The following MDC1 variants were observed in gnomAD, a reference collection of about 807,000 sequenced individuals.
MDC1 encodes mediator of DNA damage checkpoint protein 1.
In MDC1, 81 loss-of-function variants were observed where a neutral mutation model predicts 142.5. The ratio of observed to expected loss-of-function variants is 0.57; its 90% CI spans 0.47 to 0.68. MDC1 has a LOEUF of 0.68. Among genes scored for constraint, MDC1 ranks in the 30% least tolerant of loss-of-function variants. The probability of loss-of-function intolerance (pLI) is 0.00; values close to 1 mark genes in which losing one functional copy is unlikely to be tolerated. For synonymous variants in MDC1, 797 were observed against 968.4 expected, an observed-to-expected ratio of 0.82 and a Z score of 3.29; for missense variants, 2,119 against 2,547.9, an observed-to-expected ratio of 0.83 and a Z score of 3.62.
chr6:30,708,249 G>A lies in MDC1; in HGVS notation c.2330C>T (p.Pro777Leu). Reference sequence around the variant, plus strand: ...TATTGCCCTAGGTGGAGACAGGCAAGGTCCATAGGCCTCAAGGTGCGTGTC... The same window carrying A: ...TATTGCCCTAGGTGGAGACAGGCAAAGTCCATAGGCCTCAAGGTGCGTGTC... ...PFDTHLEAYG[P>L]CLSPPRAIPG... The change falls in exon 8 of 15, where the codon CCT (proline) becomes CTT (leucine). Residue 777 changes from proline to leucine, a missense_variant. Physicochemically the swap from Pro to Leu is moderately conservative, Grantham distance 98. Transcript: ENST00000376406. 1 of 1,613,070 alleles carries A rather than the reference G, an allele frequency of 6.2e-7. No homozygotes were observed. The highest frequency in any genetic ancestry group is 8.5e-7 in the Non-Finnish European group (1 of 1,180,032).
intron 14 of MDC1, among the ~76,000 whole-genome samples, chr6:30,701,070 A>T (rs1458817484): frequency 2.1e-5 from 3 of 142,328 alleles, no homozygotes; most frequent in African/African-American, 8.1e-5. Context: ...GCAAGACTCC[A>T]TCTCAAAAGA....
At position 30,712,894 on chromosome 6, in the gene MDC1, T is replaced by C. The variant is rs1234375145; in HGVS notation, c.1048A>G (p.Arg350Gly). Residue 350 changes from arginine to glycine, a missense_variant, in exon 5 of 15, where the codon AGG (arginine) becomes GGG (glycine). By Grantham distance (125) the Arg-to-Gly change is moderately radical. Transcript: ENST00000376406. The surrounding 1 kb of genome is among the most constrained non-coding windows in gnomAD (Gnocchi z 4.7). Reference sequence around the variant, plus strand: ...GTACCTACTCCATGGAAGATCTTCCTCTTCTTCATAGGAATGACAACTGGG... The same window carrying C: ...GTACCTACTCCATGGAAGATCTTCCCCTTCTTCATAGGAATGACAACTGGG... Reference protein sequence around the residue: ...ATPVVIPMKKRKIFHGVGTRG... With the variant: ...ATPVVIPMKKGKIFHGVGTRG... The C allele has an allele frequency of 1.9e-6, 3 of 1,612,954 alleles. No individual in the cohort carries two copies. Among genetic ancestry groups the C allele is most frequent in the East Asian group, 4.5e-5 (2 of 44,898 alleles).
chr6:30,703,044 G>C lies in MDC1; in HGVS notation c.5865+60C>G. ...GCCTCTTCCCTTCCACCACTTTCTAGGGCACTATATGAGCAGTCTTGCCAC... is the reference window on the plus strand; with the variant it reads ...GCCTCTTCCCTTCCACCACTTTCTACGGCACTATATGAGCAGTCTTGCCAC... On this transcript the variant is annotated intron_variant, in intron 12 of 14. Transcript: ENST00000376406. The surrounding 1 kb of genome is among the most constrained non-coding windows in gnomAD (Gnocchi z 4.4). 3 of 1,584,752 alleles carry C rather than the reference G, an allele frequency of 1.9e-6. No individual in the cohort carries two copies. The highest frequency in any genetic ancestry group is 2.6e-6 in the Non-Finnish European group (3 of 1,162,678).
rs766714687 is a variant in MDC1, at chr6:30,703,181, G to T, written c.5788C>A (p.Arg1930Ser). ...AGGAACTTGACTGTCCGGCGGATGC[G>T]ATCAGTGACCAGGTGGGAAGCCTCT... ...AAEASHLVTD[R>S]IRRTVKFLCA... Residue 1930 changes from arginine (R) to serine (S), a missense_variant, in exon 12 of 15, where the codon CGC becomes AGC. Physicochemically the swap from Arg to Ser is moderately radical, Grantham distance 110. Transcript: ENST00000376406. This position sits in a 1 kb window ranked among gnomAD's most constrained non-coding sequence, Gnocchi z 4.4. 1.2e-6 allele frequency: 2 copies of T among 1,612,958 alleles called. No homozygotes were observed. Among genetic ancestry groups the T allele is most frequent in the Non-Finnish European group, 1.7e-6 (2 of 1,180,040 alleles).
In MDC1 at chr6:30,705,864, T is replaced by G. The variant is rs1426925491; in HGVS notation, c.3319A>C (p.Ile1107Leu). Residue 1107 changes from isoleucine to leucine, a missense_variant, in exon 10 of 15, where the codon ATT (isoleucine) becomes CTT (leucine). Transcript: ENST00000376406. Reference protein sequence around the residue: ...ELEPFHPKPKIRTRKSSRMTP... With the variant: ...ELEPFHPKPKLRTRKSSRMTP... ...ATTCTGGAGGACTTCCGAGTTCTAA[T>G]TTTAGGCTTTGGGTGGAAAGGCTCC... 6.2e-7 allele frequency: 1 copy of G among 1,610,576 alleles called. No individual in the cohort carries two copies. Among genetic ancestry groups the G allele is most frequent in the African/African-American group, 1.3e-5 (1 of 74,644 alleles).
rs1773037287 is a variant in MDC1 at position 30,703,043 on chromosome 6, A to G, written c.5865+61T>C. ...CGCCTCTTCCCTTCCACCACTTTCT[A>G]GGGCACTATATGAGCAGTCTTGCCA... On this transcript the variant is annotated intron_variant, in intron 12 of 14. Transcript: ENST00000376406. The surrounding 1 kb of genome is among the most constrained non-coding windows in gnomAD (Gnocchi z 4.4). 3 of 1,584,304 alleles carry G rather than the reference A, an allele frequency of 1.9e-6. No homozygotes were observed. Among genetic ancestry groups the G allele is most frequent in the South Asian group, 1.1e-5 (1 of 87,086 alleles).
Position 30,713,712 on chromosome 6 carries a change from G to A in MDC1, c.523C>T (p.Leu175Phe), listed in dbSNP as rs1775257597. ...TTTTTTACCATACGCCTTTCAGAAA[G>A]AAAATCTGTCAAGAACAGAAAGGAA... ...AEDSEEEVDF[L>F]SERRMVKKSR... is the part of the protein sequence containing the mutation. Residue 175 changes from leucine to phenylalanine, a missense_variant, in exon 4 of 15, where the codon CTT becomes TTT. Physicochemically the swap from Leu to Phe is conservative, Grantham distance 22. Coordinates refer to ENST00000376406, the MANE Select transcript of MDC1 (RefSeq NM_014641.3). The surrounding 1 kb of genome is among the most constrained non-coding windows in gnomAD (Gnocchi z 4.9). The A allele has an allele frequency of 6.2e-7, 1 of 1,614,122 alleles. No individual in the cohort carries two copies. Among genetic ancestry groups the A allele is most frequent in the Non-Finnish European group, 8.5e-7 (1 of 1,180,004 alleles).
In MDC1 at chr6:30,708,368, A is replaced by T. The variant is rs1562109373; in HGVS notation, c.2222-11T>A. On this transcript the variant is annotated splice_polypyrimidine_tract_variant and intron_variant, in intron 7 of 14. Coordinates refer to ENST00000376406, the MANE Select transcript of MDC1 (RefSeq NM_014641.3). ...GTTCATCTAGGGTACCTGGAAGGGGAGGAAGGAAGAGAGAGAGAGGGAGAG... is the reference window on the plus strand; with the variant it reads ...GTTCATCTAGGGTACCTGGAAGGGGTGGAAGGAAGAGAGAGAGAGGGAGAG... 6.2e-7 allele frequency: 1 copy of T among 1,600,872 alleles called. No homozygotes were observed.
chr6:30,701,419 T>C (rs921188584), intron 14 of MDC1, among the ~76,000 whole-genome samples: 4 of 151,966 alleles, frequency 2.6e-5, no homozygotes, highest in African/African-American at 7.3e-5. Flanking sequence ...ATACTTTTGC[T>C]AGAAAGATGA....
chr6:30,705,735 T>C lies in MDC1; in HGVS notation c.3448A>G (p.Thr1150Ala). The C allele has an allele frequency of 6.2e-7, 1 of 1,613,054 alleles. No homozygotes were observed. Among genetic ancestry groups the C allele is most frequent in the South Asian group, 1.1e-5 (1 of 90,992 alleles). Residue 1150 changes from threonine to alanine, a missense_variant, in exon 10 of 15, where the codon ACA (threonine) becomes GCA (alanine). Transcript: ENST00000376406. ...KPTSQATRSR[T>A]NRSSVKTPEP... ...GGGGTCTTGACAGAGGACCTATTTG[T>C]CCTGCTCCTAGTGGCCTGAGATGTG...
Position 30,708,279 on chromosome 6 carries a change from G to T in MDC1, c.2300C>A (p.Pro767His). 1 of 1,612,968 alleles carries T rather than the reference G, an allele frequency of 6.2e-7. No individual in the cohort carries two copies. ...ATAGGCCTCAAGGTGCGTGTCAAAAGGCTGGGTCTCAGAGTCCTCAGACTC... is the reference window on the plus strand; with the variant it reads ...ATAGGCCTCAAGGTGCGTGTCAAAATGCTGGGTCTCAGAGTCCTCAGACTC... The part of the protein sequence containing the change: ...LRESEDSETQ[P>H]FDTHLEAYGP... The change falls in exon 8 of 15, where the codon CCT becomes CAT. Residue 767 changes from proline to histidine, a missense_variant. Transcript: ENST00000376406.
At chr6:30,708,390 A>G in intron 7 of MDC1, 33 bp from the exon 8 acceptor site, 2 of 1,562,346 alleles carry the variant, frequency 1.3e-6, no homozygotes, top group Non-Finnish European at 1.7e-6. Context: ...AGAGAGAGGG[A>G]GAGGGAGAGA....
chr6:30,704,666 A>T lies in MDC1; in HGVS notation c.4517T>A (p.Val1506Asp), dbSNP rs1350982351. The change falls in exon 10 of 15, where the codon GTC becomes GAC. Residue 1506 changes from valine (V) to aspartate (D), a missense_variant. By Grantham distance (152) the Val-to-Asp change is radical (BLOSUM62 -3). Coordinates refer to ENST00000376406, the MANE Select transcript of MDC1 (RefSeq NM_014641.3). ...GGTCCGAGATGTGGGCTCAGAGGTGACAGGCTGGTCTGTGGAGGCGGAAGC... is the reference window on the plus strand; with the variant it reads ...GGTCCGAGATGTGGGCTCAGAGGTGTCAGGCTGGTCTGTGGAGGCGGAAGC... ...LQASASTDQP[V>D]TSEPTSRTTR... 3 of 1,609,966 alleles carry T rather than the reference A, an allele frequency of 1.9e-6. No individual in the cohort carries two copies. Among genetic ancestry groups the T allele is most frequent in the Admixed American group, 3.4e-5 (2 of 59,692 alleles).
rs768568532 is a variant in MDC1 at position 30,703,250 on chromosome 6, G to A, written c.5719C>T (p.Arg1907Trp). 7 of 1,612,706 alleles carry A rather than the reference G, an allele frequency of 4.3e-6. No homozygotes were observed. The highest frequency in any genetic ancestry group is 2.2e-5 in the East Asian group (1 of 44,880). ...CTTCCCCCCAGTGCCAGCACAGCCC[G>A]CTCTCCCCGAGCATCCACCACTCCT... ...FTGVVDARGE[R>W]AVLALGGSLA... The change falls in exon 12 of 15, where the codon CGG becomes TGG. Residue 1907 changes from arginine to tryptophan, a missense_variant. Coordinates refer to ENST00000376406, the MANE Select transcript of MDC1 (RefSeq NM_014641.3). The surrounding 1 kb of genome is among the most constrained non-coding windows in gnomAD (Gnocchi z 4.4).
At chr6:30,706,457 T>TA (rs1773838237) in intron 9 of MDC1, among the ~76,000 whole-genome samples, 1 of 151,212 alleles carries the variant, frequency 6.6e-6, no homozygotes, top group Admixed American at 6.6e-5. Context: ...CCGTCTCTAC[T>TA]AAAAAATACA....
chr6:30,710,625 G>A (rs1030461189), intron 7 of MDC1, among the ~76,000 whole-genome samples: 1 of 152,088 alleles, frequency 6.6e-6, no homozygotes. Flanking sequence ...TCAAGCTCCC[G>A]ATCTCAGGTG....
At chr6:30,708,473 A>T in intron 7 of MDC1, 116 bp from the exon 8 acceptor site, 2 of 752,718 alleles carry the variant, frequency 2.7e-6, no homozygotes, top group Non-Finnish European at 4.3e-6. Context: ...ATTTAGATAA[A>T]CTCATGAATA....
At position 30,715,288 on chromosome 6, in the gene MDC1, G is replaced by C; in HGVS notation, c.-3-110C>G. On this transcript the variant is annotated intron_variant, in intron 1 of 14. Transcript: ENST00000376406. This position sits in a 1 kb window ranked among gnomAD's most constrained non-coding sequence, Gnocchi z 4.1. ...AAACTGGATCATTATGAACGTTGAT[G>C]CTTCTCTTTCCACCAATCTTTCTGT... 8.5e-7 allele frequency: 1 copy of C among 1,171,444 alleles called. No individual in the cohort carries two copies. The highest frequency in any genetic ancestry group is 1.2e-6 in the Non-Finnish European group (1 of 801,884). The allele number at this position is 1,171,444 out of a possible 1,614,324, so 72.6% of individuals were successfully genotyped here.
At position 30,712,058 on chromosome 6, in the gene MDC1, C is replaced by G; in HGVS notation, c.1884G>C (p.Gly628=). ...ERAHEVGAQG[G]PPVAQVEQDL... ...CCTGCTCCACTTGTGCCACAGGTGG[C>G]CCACCCTGGGCCCCCACCTCATGAG... Residue 628 remains glycine (G), a synonymous_variant, in exon 5 of 15, where the codon GGG becomes GGC. Coordinates refer to ENST00000376406, the MANE Select transcript of MDC1 (RefSeq NM_014641.3). This position sits in a 1 kb window ranked among gnomAD's most constrained non-coding sequence, Gnocchi z 4.7. 1 of 1,588,028 alleles carries G rather than the reference C, an allele frequency of 6.3e-7. No individual in the cohort carries two copies. The highest frequency in any genetic ancestry group is 8.6e-7 in the Non-Finnish European group (1 of 1,168,014).
Sources: gnomAD v4.1 joint callset for allele counts (sites outside exome capture counted in the v4.1 genomes callset) on GRCh38, gnomAD v4.1.1 for gene constraint, Gnocchi (gnomAD v3.1) non-coding constraint, MANE v1.5 for transcripts, NCBI Gene and HGNC (gene_info 2026-07-23, HGNC 2026-07-21) for gene names.